Variants in SMAD5 observed in about 807,000 individuals in gnomAD.
SMAD5 encodes the protein MAD, mothers against decapentaplegic homolog 5.
In SMAD5, 9 loss-of-function variants were observed where a neutral mutation model predicts 43.1. The observed-to-expected ratio is 0.21, with a 90% CI of 0.13 to 0.36. SMAD5 has a LOEUF of 0.36. Among genes scored for constraint, SMAD5 ranks in the 10% least tolerant of loss-of-function variants. The pLI is 1.00. For missense variants in SMAD5, 348 were observed against 574.0 expected (o/e 0.61, Z 4.02); for synonymous variants, 190 against 192.4 (o/e 0.99, Z 0.10).
At chr5:136,146,855 A>T (rs1463021044) in intron 1 of SMAD5, among the ~76,000 whole-genome samples, 2 of 151,766 alleles carry the variant, frequency 1.3e-5, no homozygotes, top group Non-Finnish European at 3.0e-5. Context: ...TGAGTAAAAT[A>T]TGATTGCACC....
intron 5 of SMAD5, among the ~76,000 whole-genome samples, chr5:136,167,345 T>C (rs1754053345): frequency 6.6e-6 from 1 of 152,176 alleles, no homozygotes; most frequent in African/African-American, 2.4e-5. Flanking sequence ...TACAGTGGTT[T>C]ATTTTCCTCT....
At chr5:136,173,169 C>T (rs554853472) in intron 6 of SMAD5, among the ~76,000 whole-genome samples, 5 of 152,206 alleles carry the variant, frequency 3.3e-5, no homozygotes, top group Admixed American at 6.5e-5. Flanking sequence ...GGCTTCACCA[C>T]CACTGCTCCC....
At chr5:136,167,634 CG>C (rs747554195) in intron 5 of SMAD5, among the ~76,000 whole-genome samples, 6 of 151,814 alleles carry the variant, frequency 4.0e-5, no homozygotes, top group Non-Finnish European at 8.8e-5. Context: ...AAAAATTAGC[CG>C]GGCTTGCTGG....
intron 4 of SMAD5, among the ~76,000 whole-genome samples, chr5:136,162,268 TCAAA>T (rs1753848495): frequency 6.6e-6 from 1 of 152,084 alleles, no homozygotes; most frequent in Non-Finnish European, 1.5e-5. Context: ...CAGAGAAAAC[TCAAA>T]CAAACATGGG....
chr5:136,162,177 C>G (rs1471174691), intron 4 of SMAD5, among the ~76,000 whole-genome samples: 1 of 152,164 alleles, frequency 6.6e-6, no homozygotes, highest in Admixed American at 6.5e-5. Context: ...CACCCCGGCA[C>G]TCACACTGGG....
intron 1 of SMAD5, among the ~76,000 whole-genome samples, chr5:136,141,059 A>G (rs527438916): frequency 1.4e-4 from 22 of 152,224 alleles, no homozygotes; most frequent in African/African-American, 5.1e-4. Context: ...GGGAAACTCT[A>G]TATAGGATTA....
At chr5:136,143,001 CTCTG>C (rs1753135966) in intron 1 of SMAD5, among the ~76,000 whole-genome samples, 1 of 152,070 alleles carries the variant, frequency 6.6e-6, no homozygotes, top group African/African-American at 2.4e-5. Context: ...CAAATGTCTC[CTCTG>C]TCTAATATCA....
intron 4 of SMAD5, 22 bp downstream of exon 4, chr5:136,161,129 A>AT (rs1753813922): frequency 6.4e-7 from 1 of 1,564,070 alleles, no homozygotes; most frequent in African/African-American, 1.7e-5. Flanking sequence ...TTTTATTGAT[A>AT]CCAAAAAAAA....
At chr5:136,150,464 A>G (rs1482534439) in intron 2 of SMAD5, among the ~76,000 whole-genome samples, 2 of 151,942 alleles carry the variant, frequency 1.3e-5, no homozygotes, top group East Asian at 1.9e-4. Context: ...GCTGAAGACT[A>G]CTTCTTAGAA....
chr5:136,140,736 C>A (rs1447076370), intron 1 of SMAD5, among the ~76,000 whole-genome samples: 2 of 151,482 alleles, frequency 1.3e-5, no homozygotes. Flanking sequence ...TTCTCTATAG[C>A]ACTTTTCACC....
intron 2 of SMAD5, among the ~76,000 whole-genome samples, chr5:136,151,638 C>G (rs1753465980): frequency 6.6e-6 from 1 of 151,942 alleles, no homozygotes; most frequent in Non-Finnish European, 1.5e-5. Flanking sequence ...CTTTTTGCCT[C>G]CCTCTTCCTT....
intron 1 of SMAD5, among the ~76,000 whole-genome samples, chr5:136,137,277 C>CCCA (rs1202723253): frequency 6.7e-6 from 1 of 149,756 alleles, no homozygotes; most frequent in Non-Finnish European, 1.5e-5. Flanking sequence ...GGGACCCCCC[C>CCCA]CCGCATCTCT....
intron 5 of SMAD5, 107 bp downstream of exon 5, chr5:136,163,498 AT>A (rs1386838117): frequency 2.2e-5 from 21 of 947,942 alleles, no homozygotes; most frequent in Middle Eastern, 6.0e-4. Flanking sequence ...ATGCTATAAA[AT>A]TTTTTTGTTT....
chr5:136,166,483 A>G (rs1166695444), intron 5 of SMAD5, among the ~76,000 whole-genome samples: 2 of 152,166 alleles, frequency 1.3e-5, no homozygotes, highest in Admixed American at 6.5e-5. Context: ...TAATTTGCCT[A>G]TAATTTAAAA....
intron 1 of SMAD5, among the ~76,000 whole-genome samples, chr5:136,146,346 A>G (rs1402478581): frequency 1.3e-5 from 2 of 151,824 alleles, no homozygotes; most frequent in African/African-American, 4.8e-5. Context: ...CTATTACTGG[A>G]ATAAGTGTAG....
chr5:136,177,526 A>G lies in SMAD5; in HGVS notation c.*46A>G. 2.1e-6 allele frequency: 3 copies of G among 1,458,778 alleles called. No homozygotes were observed. The highest frequency in any genetic ancestry group is 1.9e-6 in the Non-Finnish European group (2 of 1,068,866). The allele number at this position is 1,458,778 out of a possible 1,614,324, so 90.4% of individuals were successfully genotyped here. ...TTATATTGTTAGTGGACTTGTTTTA[A>G]TTTTAGAGAAACTTTGAGTACAGAT... is the stretch of plus-strand genomic sequence containing the variant. On this transcript the variant is annotated 3_prime_UTR_variant, in exon 8 of 8. Coordinates refer to ENST00000545279, the MANE Select transcript of SMAD5 (RefSeq NM_005903.7).
At chr5:136,136,623 A>G (rs1752887114) in intron 1 of SMAD5, among the ~76,000 whole-genome samples, 1 of 152,172 alleles carries the variant, frequency 6.6e-6, no homozygotes, top group Admixed American at 6.5e-5. Flanking sequence ...TTAATATTCT[A>G]ACAGCTTTGT....
chr5:136,172,316 G>A (rs922495044), intron 5 of SMAD5, 118 bp from the exon 6 acceptor site: 2 of 606,358 alleles, frequency 3.3e-6, no homozygotes, highest in Non-Finnish European at 5.8e-6. Context: ...TGAGACTTGT[G>A]AAATATCTGA....
At chr5:136,165,662 A>ATTTTTTTTTTTTTTTTTT (rs58156387) in intron 5 of SMAD5, among the ~76,000 whole-genome samples, 1 of 65,458 alleles carries the variant, frequency 1.5e-5, no homozygotes, top group Non-Finnish European at 3.0e-5. Flanking sequence ...GAATCATACA[A>ATTTTTTTTTTTTTTTTTT]TTTTTTTTTT....
Sources: gnomAD v4.1 joint callset for allele counts (sites outside exome capture counted in the v4.1 genomes callset) on GRCh38, gnomAD v4.1.1 for gene constraint, MANE v1.5 for transcripts, NCBI Gene and HGNC (gene_info 2026-07-23, HGNC 2026-07-21) for gene names.